FBLN5: variants seen among roughly 807,000 people sequenced by gnomAD.
FBLN5 encodes fibulin-5.
FBLN5 carries 24 observed loss-of-function variants against 61.6 expected under a neutral mutation model. The observed-to-expected ratio is 0.39, with a 90% CI of 0.28 to 0.55. FBLN5 has a LOEUF of 0.55. Among genes scored for constraint, FBLN5 ranks in the 20% least tolerant of loss-of-function variants. The pLI is 0.65. For synonymous variants in FBLN5, 213 were observed against 219.8 expected (o/e 0.97, Z 0.27); for missense variants, 470 against 594.1 (o/e 0.79, Z 2.17).
chr14:91,947,270 A>G lies in FBLN5; in HGVS notation c.-41T>C, dbSNP rs761829853. On this transcript the variant is annotated 5_prime_UTR_variant, in exon 1 of 11. Transcript: ENST00000342058. The surrounding 1 kb of genome is among the most constrained non-coding windows in gnomAD (Gnocchi z 4.3). Reference sequence around the variant, plus strand: ...GGAGGAGATGCGAAGGCGAGAAGAAAGCTCGCGGGCGGGACCCCCGGAGGA... The same window carrying G: ...GGAGGAGATGCGAAGGCGAGAAGAAGGCTCGCGGGCGGGACCCCCGGAGGA... 6.2e-7 allele frequency: 1 copy of G among 1,613,830 alleles called. No homozygotes were observed. Among genetic ancestry groups the G allele is most frequent in the South Asian group, 1.1e-5 (1 of 91,048 alleles).
At chr14:91,896,914 G>T (rs2139986700) in intron 4 of FBLN5, among the ~76,000 whole-genome samples, 1 of 152,288 alleles carries the variant, frequency 6.6e-6, no homozygotes, top group South Asian at 2.1e-4. Context: ...TGAGGGCAAG[G>T]GCCTTGTGTA....
At position 91,943,447 on chromosome 14, in the gene FBLN5, T is replaced by C. The variant is rs1198810983; in HGVS notation, c.18-486A>G. Among the ~76,000 whole-genome samples, 5 of 152,002 alleles carry C rather than the reference T, an allele frequency of 3.3e-5. No homozygotes were observed. The highest frequency in any genetic ancestry group is 7.4e-5 in the Non-Finnish European group (5 of 67,984). On this transcript the variant is annotated intron_variant, in intron 1 of 10. Transcript: ENST00000342058. The surrounding 1 kb of genome is among the most constrained non-coding windows in gnomAD (Gnocchi z 4.0). Reference sequence around the variant, plus strand: ...CACCTGAGCCCAGGGGGTTTGAGGCTGCAGTGAGCTGAGATCATACCACTG... The same window carrying C: ...CACCTGAGCCCAGGGGGTTTGAGGCCGCAGTGAGCTGAGATCATACCACTG...
intron 4 of FBLN5, among the ~76,000 whole-genome samples, chr14:91,906,642 C>T (rs1890697191): frequency 6.6e-6 from 1 of 152,248 alleles, no homozygotes; most frequent in African/African-American, 2.4e-5. Context: ...AGGAATGGGG[C>T]TGCCCTTTCC....
At position 91,947,325 on chromosome 14, in the gene FBLN5, T is replaced by A. The variant is rs1419673591; in HGVS notation, c.-96A>T. On this transcript the variant is annotated 5_prime_UTR_variant, in exon 1 of 11. Transcript: ENST00000342058. This position sits in a 1 kb window ranked among gnomAD's most constrained non-coding sequence, Gnocchi z 4.3. ...GGGCACGTCGGCCTCCTCTGGGCCC[T>A]CGGGGCTCGCGGGTGTTTTATTCCA... 1.4e-6 allele frequency: 2 copies of A among 1,437,472 alleles called. No homozygotes were observed. Among genetic ancestry groups the A allele is most frequent in the Admixed American group, 3.4e-5 (2 of 58,250 alleles). 89.0% of individuals were successfully genotyped at this position (1,437,472 alleles called of 1,614,324 possible).
At chr14:91,908,429 C>T (rs1890774413) in intron 4 of FBLN5, among the ~76,000 whole-genome samples, 1 of 152,226 alleles carries the variant, frequency 6.6e-6, no homozygotes, top group Non-Finnish European at 1.5e-5. Context: ...TTCTATCACC[C>T]TCTCTTGGTT....
chr14:91,890,581 G>A (rs1022766072), intron 6 of FBLN5, among the ~76,000 whole-genome samples: 2 of 152,344 alleles, frequency 1.3e-5, no homozygotes, highest in South Asian at 2.1e-4. Flanking sequence ...AACCACAATA[G>A]GCATGCAACT....
chr14:91,877,827 C>A, intron 9 of FBLN5, 145 bp from the exon 10 acceptor site: 1 of 712,872 alleles, frequency 1.4e-6, no homozygotes. Context: ...CTGCTCCTGG[C>A]TTGAGTCTAA....
chr14:91,877,168 T>G (rs1889204348), intron 10 of FBLN5, among the ~76,000 whole-genome samples: 1 of 152,180 alleles, frequency 6.6e-6, no homozygotes. Flanking sequence ...TAAGAAATAC[T>G]TGTCACATGG....
chr14:91,936,950 C>T lies in FBLN5; in HGVS notation c.376G>A (p.Val126Met), dbSNP rs61734479. 4,677 of 1,614,216 alleles carry T rather than the reference C, an allele frequency of 2.9e-3. 8 individuals are homozygous for T. The highest frequency in any genetic ancestry group is 3.6e-3 in the Non-Finnish European group (4,301 of 1,180,040). The change falls in exon 4 of 11, where the codon GTG becomes ATG. Residue 126 changes from valine to methionine, a missense_variant. Transcript: ENST00000342058. ...AACAAAAGGCCGGGCTACTCACCCA[C>T]ACATTGGTTGCTTTCATCCATCTGG... Reference protein sequence around the residue: ...GYQMDESNQCVDVDECATDSH... With the variant: ...GYQMDESNQCMDVDECATDSH...
In FBLN5 at chr14:91,894,977, A is replaced by G; in HGVS notation, c.475T>C (p.Tyr159His). ...AAGCACTGGCCTTCCAGAAGCCAAT[A>G]TCCGTCGGTGCAGGAGCAGGTGTAC... ...GGYTCSCTDG[Y>H]WLLEGQCLDI... is the part of the protein sequence containing the mutation. The change falls in exon 5 of 11, where the codon TAT becomes CAT. Residue 159 changes from tyrosine (Y) to histidine (H), a missense_variant. Transcript: ENST00000342058. 1 of 1,614,104 alleles carries G rather than the reference A, an allele frequency of 6.2e-7. No individual in the cohort carries two copies.
intron 5 of FBLN5, 141 bp from the exon 6 acceptor site, chr14:91,891,478 T>C (rs1889994670): frequency 2.7e-6 from 2 of 733,850 alleles, no homozygotes; most frequent in Non-Finnish European, 5.0e-6. Context: ...CAGTGCCTAC[T>C]GAGTGTCACG....
chr14:91,929,080 AACACACACACACAC>A (rs113397883), intron 4 of FBLN5, among the ~76,000 whole-genome samples: 1 of 143,182 alleles, frequency 7.0e-6, no homozygotes, highest in African/African-American at 2.6e-5. Flanking sequence ...CCTGTCTCAA[AACACACACACACAC>A]ACACACACAC....
intron 4 of FBLN5, among the ~76,000 whole-genome samples, chr14:91,899,143 CGTGTGTGT>C (rs59077653): frequency 6.7e-6 from 1 of 149,840 alleles, no homozygotes; most frequent in Non-Finnish European, 1.5e-5. Context: ...GCTGTGTGTT[CGTGTGTGT>C]GTGTGTGTGT....
At chr14:91,894,429 C>CAAAG (rs1890132731) in intron 5 of FBLN5, among the ~76,000 whole-genome samples, 3 of 50,004 alleles carry the variant, frequency 6.0e-5, no homozygotes, top group Admixed American at 2.4e-4. Flanking sequence ...AAAAAAAAAC[C>CAAAG]GAAAAAAACC....
intron 4 of FBLN5, among the ~76,000 whole-genome samples, chr14:91,900,506 T>C (rs376637502): frequency 9.2e-5 from 14 of 152,192 alleles, no homozygotes; most frequent in African/African-American, 3.4e-4. Context: ...CCCATGCCCA[T>C]AGGGAGAACA....
chr14:91,937,366 C>G (rs1350969919), intron 3 of FBLN5, among the ~76,000 whole-genome samples, 165 bp from the exon 4 acceptor site: 2 of 152,124 alleles, frequency 1.3e-5, no homozygotes, highest in African/African-American at 4.8e-5. Context: ...TGAAGTGTAT[C>G]AAAGTAACCA....
intron 4 of FBLN5, among the ~76,000 whole-genome samples, chr14:91,935,353 GAC>G (rs1366446560): frequency 6.6e-6 from 1 of 152,186 alleles, no homozygotes; most frequent in Middle Eastern, 3.2e-3. Context: ...GCATCAGCTA[GAC>G]CTGTCTGCAC....
In FBLN5 at chr14:91,887,179, C is replaced by CGAA. The variant is rs1566804262; in HGVS notation, c.739+11_739+13dup. ...CAAGTACAGGTGGAAGTTTCCAATG[C>CGAA]GAAAGCCCATTACCACTGCAATGAA... On this transcript the variant is annotated intron_variant, in intron 7 of 10. Transcript: ENST00000342058. 2 of 1,613,742 alleles carry CGAA rather than the reference C, an allele frequency of 1.2e-6. No individual in the cohort carries two copies. The highest frequency in any genetic ancestry group is 1.7e-6 in the Non-Finnish European group (2 of 1,179,800).
chr14:91,881,705 A>G (rs555347510), intron 8 of FBLN5, among the ~76,000 whole-genome samples: 43 of 152,232 alleles, frequency 2.8e-4, no homozygotes, highest in African/African-American at 9.9e-4. Context: ...AGGCAGGAGG[A>G]TCACTTGAAG....
Sources: gnomAD v4.1 joint callset for allele counts (sites outside exome capture counted in the v4.1 genomes callset) on GRCh38, gnomAD v4.1.1 for gene constraint, Gnocchi (gnomAD v3.1) non-coding constraint, MANE v1.5 for transcripts, NCBI Gene and HGNC (gene_info 2026-07-23, HGNC 2026-07-21) for gene names.